Variants in RNF157 observed in about 807,000 individuals in gnomAD.
The protein encoded by RNF157 is ring finger protein 157, also known as E3 ubiquitin ligase RNF157.
A neutral mutation model predicts 88.3 loss-of-function variants in RNF157; 55 were observed. The ratio of observed to expected loss-of-function variants is 0.62; its 90% CI spans 0.50 to 0.78. RNF157 has a LOEUF of 0.78. Among genes scored for constraint, RNF157 ranks in the 30% least tolerant of loss-of-function variants. The probability of loss-of-function intolerance (pLI) is 0.00; values close to 1 mark genes in which losing one functional copy is unlikely to be tolerated. For missense variants in RNF157, 788 were observed against 860.8 expected (o/e 0.92, Z 1.06); for synonymous variants, 334 against 341.2 (o/e 0.98, Z 0.23).
Position 76,144,564 on chromosome 17 carries a change from C to G in RNF157, c.*671G>C, listed in dbSNP as rs1294966865. ...TCTCATGATCCACCCGCCTCGGCCTCCCAAAGTGCTGGGATTACAGGCGTG... is the reference window on the plus strand; with the variant it reads ...TCTCATGATCCACCCGCCTCGGCCTGCCAAAGTGCTGGGATTACAGGCGTG... On this transcript the variant is annotated 3_prime_UTR_variant, in exon 19 of 19. Transcript: ENST00000269391. 1 of 152,344 alleles carries G rather than the reference C, an allele frequency of 6.6e-6. No individual in the cohort carries two copies. Among genetic ancestry groups the G allele is most frequent in the Non-Finnish European group, 1.5e-5 (1 of 68,140 alleles). The allele number at this position is 152,344 out of a possible 1,614,324, so 9.4% of individuals were successfully genotyped here. A position where few individuals can be genotyped will look rare whatever the true frequency, so the allele number is the denominator to read the frequency against.
intron 3 of RNF157, 24 bp from the exon 4 acceptor site, chr17:76,167,821 T>C (rs759964177): frequency 2.5e-6 from 4 of 1,604,764 alleles, no homozygotes; most frequent in Non-Finnish European, 3.4e-6. Context: ...GACTCAGCAT[T>C]TGCAGAGTAG....
chr17:76,183,210 T>TC (rs2069226700), intron 2 of RNF157, among the ~76,000 whole-genome samples: 1 of 149,432 alleles, frequency 6.7e-6, no homozygotes, highest in African/African-American at 2.4e-5. Context: ...GTGCTGGGAT[T>TC]CCAGGTGTGA....
intron 2 of RNF157, among the ~76,000 whole-genome samples, chr17:76,187,207 G>A (rs574257590): frequency 1.4e-4 from 21 of 150,158 alleles, no homozygotes; most frequent in African/African-American, 5.1e-4. Flanking sequence ...TTCTTAAGAT[G>A]GAGTCTCGCT....
At chr17:76,172,958 T>A (rs1398702920) in intron 3 of RNF157, among the ~76,000 whole-genome samples, 1 of 151,976 alleles carries the variant, frequency 6.6e-6, no homozygotes, top group African/African-American at 2.4e-5. Flanking sequence ...CACTATGAGT[T>A]CCTTAGAGAA....
chr17:76,202,128 T>A (rs112142173), intron 2 of RNF157, among the ~76,000 whole-genome samples: 2,828 of 134,600 alleles, frequency 0.021, 107 homozygotes, highest in African/African-American at 0.077. Context: ...TCTCTCTCTC[T>A]CACACACACA....
At chr17:76,210,426 T>C (rs1182474558) in intron 2 of RNF157, among the ~76,000 whole-genome samples, 1 of 150,908 alleles carries the variant, frequency 6.6e-6, no homozygotes, top group African/African-American at 2.4e-5. Flanking sequence ...CCGTCTCTAC[T>C]AAAAATACAA....
At position 76,159,536 on chromosome 17, in the gene RNF157, G is replaced by A; in HGVS notation, c.1103C>T (p.Ser368Phe). 1 of 1,600,212 alleles carries A rather than the reference G, an allele frequency of 6.2e-7. No homozygotes were observed. The highest frequency in any genetic ancestry group is 8.5e-7 in the Non-Finnish European group (1 of 1,176,522). The change falls in exon 12 of 19, where the codon TCT becomes TTT. Residue 368 changes from serine (S) to phenylalanine (F), a missense_variant. Coordinates refer to ENST00000269391, the MANE Select transcript of RNF157 (RefSeq NM_052916.3). ...GGGCCCGTTGAGGGCCTCCAGAAGA[G>A]ATACTACTTCATAGCCTGGTGGAAT... ...ENIPPGYEVV[S>F]LLEALNGPLT...
At chr17:76,170,649 C>T (rs1243085873) in intron 3 of RNF157, among the ~76,000 whole-genome samples, 2 of 152,104 alleles carry the variant, frequency 1.3e-5, no homozygotes, top group African/African-American at 4.8e-5. Context: ...AGCCTCCCAC[C>T]TCAACTTCTA....
At chr17:76,220,725 C>T (rs2069968025) in intron 1 of RNF157, among the ~76,000 whole-genome samples, 1 of 151,870 alleles carries the variant, frequency 6.6e-6, no homozygotes, top group Admixed American at 6.6e-5. Flanking sequence ...TTTGGGAGGC[C>T]GAGGTGGGTG....
intron 1 of RNF157, among the ~76,000 whole-genome samples, chr17:76,239,544 C>G (rs899834810): frequency 1.9e-4 from 28 of 148,808 alleles, no homozygotes; most frequent in Non-Finnish European, 3.7e-4. Flanking sequence ...CCACCACCCC[C>G]CCCACCCCCC....
Position 76,226,365 on chromosome 17 carries a change from A to C in RNF157, c.88+13788T>G, listed in dbSNP as rs1163098612. The C allele has an allele frequency of 9.4e-6, 15 of 1,596,542 alleles. No homozygotes were observed. In the East Asian group the frequency reaches 3.4e-4, roughly 36 times the overall value. ...GGGGCAACCTGGTCGGGTTTTGTTA[A>C]ACTTTCTGGGAGATGGCCAATTGGG... On this transcript the variant is annotated intron_variant, in intron 1 of 18. Transcript: ENST00000269391.
chr17:76,144,543 A>C lies in RNF157; in HGVS notation c.*692T>G, dbSNP rs1483979264. 4 of 152,166 alleles carry C rather than the reference A, an allele frequency of 2.6e-5. No homozygotes were observed. Among genetic ancestry groups the C allele is most frequent in the East Asian group, 1.9e-4 (1 of 5,190 alleles). 9.4% of individuals were successfully genotyped at this position (152,166 alleles called of 1,614,324 possible). On this transcript the variant is annotated 3_prime_UTR_variant, in exon 19 of 19. Coordinates refer to ENST00000269391, the MANE Select transcript of RNF157 (RefSeq NM_052916.3). Reference sequence around the variant, plus strand: ...AGGATGGTCTCGATCTCCTGATCTCATGATCCACCCGCCTCGGCCTCCCAA... The same window carrying C: ...AGGATGGTCTCGATCTCCTGATCTCCTGATCCACCCGCCTCGGCCTCCCAA...
chr17:76,212,687 C>A (rs1489039334), intron 1 of RNF157, among the ~76,000 whole-genome samples: 3 of 152,048 alleles, frequency 2.0e-5, no homozygotes, highest in Non-Finnish European at 4.4e-5. Flanking sequence ...CATGGCAAAA[C>A]CCTGTCTCTA....
rs528024254 is a variant in RNF157 at position 76,162,465 on chromosome 17, T to C, written c.792+87A>G. On this transcript the variant is annotated intron_variant, in intron 9 of 18. Coordinates refer to ENST00000269391, the MANE Select transcript of RNF157 (RefSeq NM_052916.3). Reference sequence around the variant, plus strand: ...CTAAGACCTAACTGATTTCAGAGTTTGGCACGCTAAATTTCTGGACGCTGG... The same window carrying C: ...CTAAGACCTAACTGATTTCAGAGTTCGGCACGCTAAATTTCTGGACGCTGG... 9.9e-6 allele frequency: 9 copies of C among 910,362 alleles called. No homozygotes were observed. In the African/African-American group the frequency reaches 1.5e-4, roughly 15 times the overall value. The allele number at this position is 910,362 out of a possible 1,614,324, so 56.4% of individuals were successfully genotyped here.
chr17:76,170,233 C>T (rs1227208885), intron 3 of RNF157, among the ~76,000 whole-genome samples: 1 of 151,908 alleles, frequency 6.6e-6, no homozygotes, highest in African/African-American at 2.4e-5. Context: ...ATCCACTCAC[C>T]TGCTGTTTTG....
chr17:76,149,396 C>T (rs1175456392), intron 18 of RNF157, among the ~76,000 whole-genome samples: 3 of 151,892 alleles, frequency 2.0e-5, no homozygotes, highest in Non-Finnish European at 4.4e-5. Context: ...AAGCAGAGAC[C>T]AGGCGCATGT....
chr17:76,210,441 T>A (rs1193462682), intron 2 of RNF157, among the ~76,000 whole-genome samples: 2 of 151,100 alleles, frequency 1.3e-5, no homozygotes, highest in African/African-American at 2.4e-5. Context: ...ATACAAAAAA[T>A]TAGCCGGGTG....
chr17:76,226,400 T>TG lies in RNF157; in HGVS notation c.88+13752dup, dbSNP rs914807192. 292 of 1,594,242 alleles carry TG rather than the reference T, an allele frequency of 1.8e-4. 1 individual carries two copies. Among genetic ancestry groups the TG allele is most frequent in the Admixed American group, 1.4e-3 (83 of 59,900 alleles). On this transcript the variant is annotated intron_variant, in intron 1 of 18. Coordinates refer to ENST00000269391, the MANE Select transcript of RNF157 (RefSeq NM_052916.3). Reference sequence around the variant, plus strand: ...GAGATGGCCAATTGGGTTCACCATCTGGGGGGGCACCTTATTAGTCTCCTG... The same window carrying TG: ...GAGATGGCCAATTGGGTTCACCATCTGGGGGGGGCACCTTATTAGTCTCCTG...
At position 76,155,285 on chromosome 17, in the gene RNF157, A is replaced by G. The variant is rs1393211961; in HGVS notation, c.1731T>C (p.Phe577=). 6.2e-7 allele frequency: 1 copy of G among 1,614,232 alleles called. No individual in the cohort carries two copies. The highest frequency in any genetic ancestry group is 1.7e-5 in the Admixed American group (1 of 60,028). Residue 577 remains phenylalanine (F), a synonymous_variant, in exon 16 of 19, where the codon TTT becomes TTC. Coordinates refer to ENST00000269391, the MANE Select transcript of RNF157 (RefSeq NM_052916.3). ...CCTGCTCTCCAGCTGGGAGGCCAGC[A>G]AAGTTGCTGTCTGGAGACTCCGCTG... The part of the protein sequence containing the change: ...GLPAESPDSN[F]AGLPAGEQDA...
Sources: allele counts gnomAD v4.1 joint callset (sites outside exome capture counted in the v4.1 genomes callset), GRCh38; gene constraint gnomAD v4.1.1; transcripts MANE v1.5; gene names NCBI Gene and HGNC (gene_info 2026-07-23, HGNC 2026-07-21).